KLHL18: variants seen among roughly 807,000 people sequenced by gnomAD.
KLHL18 encodes the protein kelch like family member 18.
In KLHL18, 38 loss-of-function variants were observed where a neutral mutation model predicts 58.5. The observed-to-expected ratio is 0.65, with a 90% CI of 0.50 to 0.85. The LOEUF (loss-of-function observed/expected upper bound fraction) is 0.85. Ranked by LOEUF, KLHL18 falls within the 40% of genes least tolerant of loss-of-function variation. The pLI is 0.00. For synonymous variants in KLHL18, 303 were observed against 301.9 expected (o/e 1.00, Z -0.04); for missense variants, 624 against 778.4 (o/e 0.80, Z 2.36).
At chr3:47,293,876 T>G (rs937809916) in intron 1 of KLHL18, among the ~76,000 whole-genome samples, 1 of 152,230 alleles carries the variant, frequency 6.6e-6, no homozygotes, top group African/African-American at 2.4e-5. Context: ...AACTCTGGGA[T>G]TGTCTTTGGC....
Position 47,344,205 on chromosome 3 carries a change from A to G in KLHL18, c.*264A>G, listed in dbSNP as rs1704176766. On this transcript the variant is annotated 3_prime_UTR_variant, in exon 10 of 10. Transcript: ENST00000232766. ...GACATGGAACTGTTTTCTGGTCCACATGAACACAGGCTCCATCCAGGCCCA... is the reference window on the plus strand; with the variant it reads ...GACATGGAACTGTTTTCTGGTCCACGTGAACACAGGCTCCATCCAGGCCCA... 2.0e-6 allele frequency: 1 copy of G among 511,406 alleles called. No individual in the cohort carries two copies. Among genetic ancestry groups the G allele is most frequent in the Non-Finnish European group, 3.4e-6 (1 of 290,278 alleles). The allele number at this position is 511,406 out of a possible 1,614,324, so 31.7% of individuals were successfully genotyped here. A position where few individuals can be genotyped will look rare whatever the true frequency, so the allele number is the denominator to read the frequency against.
At chr3:47,300,850 G>C (rs955448241) in intron 1 of KLHL18, among the ~76,000 whole-genome samples, 1 of 151,846 alleles carries the variant, frequency 6.6e-6, no homozygotes, top group Non-Finnish European at 1.5e-5. Flanking sequence ...TGTTGGTCAG[G>C]CTGGTCTCGA....
At chr3:47,305,002 G>A (rs1181304801) in intron 1 of KLHL18, among the ~76,000 whole-genome samples, 1 of 151,284 alleles carries the variant, frequency 6.6e-6, no homozygotes, top group African/African-American at 2.4e-5. Flanking sequence ...CTTAACTTGG[G>A]TGACAGAGGG....
chr3:47,311,136 A>G (rs768590414), intron 1 of KLHL18, among the ~76,000 whole-genome samples: 20 of 151,966 alleles, frequency 1.3e-4, no homozygotes, highest in Non-Finnish European at 2.5e-4. Context: ...CAGCCTCCTG[A>G]GTAGCTGGGA....
chr3:47,343,634 C>T lies in KLHL18; in HGVS notation c.1418C>T (p.Ala473Val). Reference sequence around the variant, plus strand: ...AACAAGCGCTGCCGGCACGGAGCCGCCTCCCTGGGGAGCAAGATGTTTGTC... The same window carrying T: ...AACAAGCGCTGCCGGCACGGAGCCGTCTCCCTGGGGAGCAAGATGTTTGTC... ...MLNKRCRHGA[A>V]SLGSKMFVCG... The change falls in exon 10 of 10, where the codon GCC becomes GTC. Residue 473 changes from alanine to valine, a missense_variant. Transcript: ENST00000232766. 2 of 1,614,158 alleles carry T rather than the reference C, an allele frequency of 1.2e-6. No homozygotes were observed. Among genetic ancestry groups the T allele is most frequent in the South Asian group, 2.2e-5 (2 of 91,078 alleles).
In KLHL18 at chr3:47,334,190, G is replaced by A. The variant is rs542369626; in HGVS notation, c.762-493G>A. Among the ~76,000 whole-genome samples the A allele has an allele frequency of 1.8e-4, 27 of 152,246 alleles. No homozygotes were observed. The highest frequency in any genetic ancestry group is 1.7e-3 in the East Asian group (9 of 5,184). ...TGAGGAGTTTGGACTTTATTCTGTCGGCAGTGGGTGGCTATTGAAGGTTCT... is the reference window on the plus strand; with the variant it reads ...TGAGGAGTTTGGACTTTATTCTGTCAGCAGTGGGTGGCTATTGAAGGTTCT... On this transcript the variant is annotated intron_variant, in intron 5 of 9. Transcript: ENST00000232766. This position sits in a 1 kb window ranked among gnomAD's most constrained non-coding sequence, Gnocchi z 4.7.
At chr3:47,309,561 A>G (rs1013553004) in intron 1 of KLHL18, among the ~76,000 whole-genome samples, 37 of 151,512 alleles carry the variant, frequency 2.4e-4, no homozygotes, top group African/African-American at 8.7e-4. Flanking sequence ...GATGATGGGC[A>G]GCCAGGCAGA....
chr3:47,337,439 T>C (rs1297820548), intron 7 of KLHL18: 1 of 152,958 alleles, frequency 6.5e-6, no homozygotes, highest in African/African-American at 2.4e-5. Flanking sequence ...TTCTTACTGC[T>C]GAGGTGACAG....
chr3:47,285,911 C>G (rs1702664405), intron 1 of KLHL18, among the ~76,000 whole-genome samples: 1 of 151,968 alleles, frequency 6.6e-6, no homozygotes, highest in South Asian at 2.1e-4. Context: ...TGGTGTGTAC[C>G]TTTAGTCTTT....
At chr3:47,324,204 G>A (rs764841527) in intron 3 of KLHL18, among the ~76,000 whole-genome samples, 7 of 149,618 alleles carry the variant, frequency 4.7e-5, no homozygotes, top group Non-Finnish European at 8.9e-5. Context: ...TTTCCTGCTC[G>A]TTTGTGAGCT....
intron 1 of KLHL18, among the ~76,000 whole-genome samples, chr3:47,293,614 G>A (rs1276073059): frequency 6.6e-6 from 1 of 152,210 alleles, no homozygotes; most frequent in Non-Finnish European, 1.5e-5. Flanking sequence ...GGGTTGGTTT[G>A]TAAGCTGTAA....
chr3:47,336,502 T>C (rs1300522552), intron 6 of KLHL18, 33 bp from the exon 7 acceptor site: 2 of 1,588,602 alleles, frequency 1.3e-6, no homozygotes, highest in East Asian at 4.5e-5. Flanking sequence ...GTGGTCTCAT[T>C]TGTTTTAATT....
chr3:47,315,785 CAG>C (rs1703407063), intron 1 of KLHL18, among the ~76,000 whole-genome samples: 1 of 151,940 alleles, frequency 6.6e-6, no homozygotes, highest in Non-Finnish European at 1.5e-5. Context: ...ACAGTAAAAG[CAG>C]AGAGATAAAG....
At chr3:47,331,481 G>A (rs1312400723) in intron 4 of KLHL18, among the ~76,000 whole-genome samples, 1 of 139,214 alleles carries the variant, frequency 7.2e-6, no homozygotes, top group Admixed American at 7.5e-5. Flanking sequence ...CACCCAGGCT[G>A]GAGTGCGATG....
intron 1 of KLHL18, among the ~76,000 whole-genome samples, chr3:47,294,848 C>G (rs534599762): frequency 1.1e-4 from 16 of 152,306 alleles, no homozygotes; most frequent in African/African-American, 3.6e-4. Flanking sequence ...CTTGCACTTT[C>G]CCCTTCGGTT....
chr3:47,342,904 G>GA (rs962396044), intron 9 of KLHL18, 74 bp downstream of exon 9: 79 of 1,200,284 alleles, frequency 6.6e-5, no homozygotes, highest in Non-Finnish European at 5.6e-5. Flanking sequence ...ATCATTATTT[G>GA]AAAAAACTTC....
At chr3:47,301,226 G>A (rs1703018533) in intron 1 of KLHL18, among the ~76,000 whole-genome samples, 1 of 151,250 alleles carries the variant, frequency 6.6e-6, no homozygotes. Flanking sequence ...AAAGTTTTTC[G>A]TTGTGATTTA....
intron 5 of KLHL18, 34 bp downstream of exon 5, chr3:47,333,351 A>G (rs1490699508): frequency 6.2e-7 from 1 of 1,600,154 alleles, no homozygotes; most frequent in African/African-American, 1.3e-5. Flanking sequence ...GGACACTGCC[A>G]AAGGTCTAAG....
chr3:47,333,423 C>T, intron 5 of KLHL18, 106 bp downstream of exon 5: 1 of 1,122,620 alleles, frequency 8.9e-7, no homozygotes, highest in Non-Finnish European at 1.3e-6. Flanking sequence ...AGTGATCAGT[C>T]TAATTCATGG....
Sources: allele counts gnomAD v4.1 joint callset (sites outside exome capture counted in the v4.1 genomes callset), GRCh38; gene constraint gnomAD v4.1.1; non-coding constraint Gnocchi (gnomAD v3.1); transcripts MANE v1.5; gene names NCBI Gene and HGNC (gene_info 2026-07-23, HGNC 2026-07-21).